LRRTM4: variants seen among roughly 807,000 people sequenced by gnomAD.
LRRTM4 encodes the protein leucine-rich repeat transmembrane neuronal protein 4.
In LRRTM4, 25 loss-of-function variants were observed where a neutral mutation model predicts 47.6. That is an observed-to-expected ratio of 0.53 (90% CI 0.38 to 0.73). The LOEUF (loss-of-function observed/expected upper bound fraction) is 0.73, where lower values mean the gene tolerates loss of function less well. LRRTM4 is among the 30% of genes least tolerant of loss of function. The pLI, the probability that LRRTM4 is intolerant of heterozygous loss-of-function variation, is 0.00. For missense variants in LRRTM4, 638 were observed against 713.4 expected (o/e 0.89, Z 1.20); for synonymous variants, 311 against 269.5 (o/e 1.15, Z -1.51).
intron 3 of LRRTM4, among the ~76,000 whole-genome samples, chr2:77,129,144 C>T (rs1671729339): frequency 6.6e-6 from 1 of 152,110 alleles, no homozygotes; most frequent in African/African-American, 2.4e-5. Context: ...CATGGTAGCA[C>T]CATGAACTCA....
intron 3 of LRRTM4, among the ~76,000 whole-genome samples, chr2:77,219,513 T>A (rs988013398): frequency 2.0e-5 from 3 of 152,114 alleles, no homozygotes; most frequent in African/African-American, 7.2e-5. Context: ...TAAACAAATA[T>A]CGGTACCCTT....
chr2:77,250,156 G>T (rs143787618), intron 3 of LRRTM4, among the ~76,000 whole-genome samples: 1 of 152,162 alleles, frequency 6.6e-6, no homozygotes, highest in Non-Finnish European at 1.5e-5. Flanking sequence ...ATAATTGCCA[G>T]AAGTTAGAAG....
rs183654530 is a variant in LRRTM4, at chr2:77,504,744, G to C, written c.1551+13574C>G. ...CTTATTTATAGTTTGTAGTGCAGTG[G>C]TCTATAGTAATTGAATGAACAAATA... On this transcript the variant is annotated intron_variant, in intron 3 of 3. Coordinates refer to ENST00000409884, the MANE Select transcript of LRRTM4 (RefSeq NM_001134745.3). 2.8e-4 allele frequency among the ~76,000 whole-genome samples: 43 copies of C among 150,962 alleles called. No homozygotes were observed. The East Asian group carries it at 7.2e-3, about 25-fold the overall frequency.
intron 3 of LRRTM4, among the ~76,000 whole-genome samples, chr2:77,022,037 A>G (rs1678293773): frequency 6.6e-6 from 1 of 152,168 alleles, no homozygotes; most frequent in African/African-American, 2.4e-5. Flanking sequence ...TGATAAAGAC[A>G]TACCCGAGAC....
intron 3 of LRRTM4, among the ~76,000 whole-genome samples, chr2:77,015,216 C>T (rs1678015217): frequency 6.6e-6 from 1 of 152,184 alleles, no homozygotes; most frequent in Non-Finnish European, 1.5e-5. Context: ...TCAGACTTGC[C>T]TGCCTGGCTT....
chr2:77,283,234 A>G (rs890188620), intron 3 of LRRTM4, among the ~76,000 whole-genome samples: 2 of 152,114 alleles, frequency 1.3e-5, no homozygotes, highest in African/African-American at 4.8e-5. Context: ...AATGCTCATC[A>G]TCACTAATCA....
chr2:77,181,917 A>T (rs937710659), intron 3 of LRRTM4, among the ~76,000 whole-genome samples: 12 of 152,136 alleles, frequency 7.9e-5, no homozygotes, highest in Non-Finnish European at 1.3e-4. Flanking sequence ...AAAGTCAAGA[A>T]ACAATAGATG....
chr2:77,451,724 G>A (rs1340951361), intron 3 of LRRTM4, among the ~76,000 whole-genome samples: 1 of 152,068 alleles, frequency 6.6e-6, no homozygotes. Context: ...AATAAATAAG[G>A]TGCTTTCAGA....
intron 3 of LRRTM4, among the ~76,000 whole-genome samples, chr2:77,333,262 C>T (rs966241704): frequency 1.3e-5 from 2 of 152,010 alleles, no homozygotes; most frequent in African/African-American, 2.4e-5. Flanking sequence ...TCTTCTATAC[C>T]CAAAAATTTG....
chr2:77,116,243 G>A (rs372770226), intron 3 of LRRTM4, among the ~76,000 whole-genome samples: 3 of 150,188 alleles, frequency 2.0e-5, no homozygotes, highest in Admixed American at 6.7e-5. Flanking sequence ...GTAATTAAAC[G>A]CAATAAATCA....
At chr2:76,768,869 C>CT (rs991381421) in intron 3 of LRRTM4, among the ~76,000 whole-genome samples, 3 of 152,030 alleles carry the variant, frequency 2.0e-5, no homozygotes, top group African/African-American at 7.2e-5. Context: ...AGATTAATTG[C>CT]TTTTTTCATT....
chr2:76,797,773 C>G (rs1675427358), intron 3 of LRRTM4, among the ~76,000 whole-genome samples: 1 of 150,344 alleles, frequency 6.7e-6, no homozygotes. Flanking sequence ...GGGGGAAGAT[C>G]TACCAAGCCA....
At chr2:76,897,888 A>G (rs530627120) in intron 3 of LRRTM4, among the ~76,000 whole-genome samples, 2 of 152,280 alleles carry the variant, frequency 1.3e-5, no homozygotes, top group South Asian at 4.1e-4. Context: ...GGGCAGAAGC[A>G]TAAGACGTTT....
chr2:77,455,196 T>C (rs1676476722), intron 3 of LRRTM4, among the ~76,000 whole-genome samples: 1 of 152,110 alleles, frequency 6.6e-6, no homozygotes, highest in Non-Finnish European at 1.5e-5. Context: ...TCTAAATAAA[T>C]AAATGTCCCA....
In LRRTM4 at chr2:76,871,079, C is replaced by A. The variant is rs115243935; in HGVS notation, c.1552-122163G>T. On this transcript the variant is annotated intron_variant, in intron 3 of 3. Coordinates refer to ENST00000409884, the MANE Select transcript of LRRTM4 (RefSeq NM_001134745.3). ...TATTATAAAATCTTTGGGAAAAAAT[C>A]AATATCAATACAACATCAGTATGGC... Among the ~76,000 whole-genome samples, 333 of 152,224 alleles carry A rather than the reference C, an allele frequency of 2.2e-3. 6 individuals are homozygous for A. The highest frequency in any genetic ancestry group is 7.8e-3 in the African/African-American group (325 of 41,548).
intron 3 of LRRTM4, among the ~76,000 whole-genome samples, chr2:77,196,564 C>T (rs187389538): frequency 6.6e-4 from 101 of 152,090 alleles, no homozygotes; most frequent in African/African-American, 1.9e-3. Flanking sequence ...GCCAATATGG[C>T]GAAACCTCAC....
chr2:77,501,001 T>A (rs1262483538), intron 3 of LRRTM4, among the ~76,000 whole-genome samples: 1 of 151,228 alleles, frequency 6.6e-6, no homozygotes, highest in Non-Finnish European at 1.5e-5. Flanking sequence ...ACAGAAAATA[T>A]CCAGAAGAAA....
At chr2:76,901,345 T>A (rs761960243) in intron 3 of LRRTM4, among the ~76,000 whole-genome samples, 1 of 152,174 alleles carries the variant, frequency 6.6e-6, no homozygotes, top group Non-Finnish European at 1.5e-5. Flanking sequence ...GATGATGGCT[T>A]CCAGTTCCAT....
intron 3 of LRRTM4, among the ~76,000 whole-genome samples, chr2:76,993,014 C>T (rs971353213): frequency 2.0e-5 from 3 of 151,718 alleles, no homozygotes; most frequent in African/African-American, 7.3e-5. Context: ...CCGAAATAAG[C>T]AGTGGGGAAA....
Sources: allele counts gnomAD v4.1 joint callset (sites outside exome capture counted in the v4.1 genomes callset), GRCh38; gene constraint gnomAD v4.1.1; transcripts MANE v1.5; gene names NCBI Gene and HGNC (gene_info 2026-07-23, HGNC 2026-07-21).